Variants in NARS2 observed in about 807,000 individuals in gnomAD.
The protein encoded by NARS2 is asparaginyl-tRNA synthetase 2, mitochondrial, also known as asparaginyl-tRNA synthetase.
Under a neutral mutation model 62.9 loss-of-function variants are expected in NARS2, and 60 were observed. That is an observed-to-expected ratio of 0.95 (90% CI 0.77 to 1.18). NARS2 has a LOEUF of 1.18. Ranked by LOEUF, NARS2 falls within the 50% of genes most tolerant of loss-of-function variation. NARS2 has a pLI of 0.00. For missense variants in NARS2, 619 were observed against 576.4 expected, an observed-to-expected ratio of 1.07 and a Z score of -0.76; for synonymous variants, 196 against 200.0, an observed-to-expected ratio of 0.98 and a Z score of 0.17.
chr11:78,519,363 T>TAGA (rs1307334227), intron 6 of NARS2, among the ~76,000 whole-genome samples: 1 of 152,096 alleles, frequency 6.6e-6, no homozygotes, highest in Non-Finnish European at 1.5e-5. Context: ...AAACTGAAAA[T>TAGA]AACTAAGTTT....
intron 6 of NARS2, among the ~76,000 whole-genome samples, chr11:78,511,350 A>G (rs1860713846): frequency 6.6e-6 from 1 of 152,130 alleles, no homozygotes; most frequent in Admixed American, 6.5e-5. Context: ...AAGTGCTGGG[A>G]TTACAGGTAT....
chr11:78,543,518 AAAG>A (rs1157996477), intron 5 of NARS2, among the ~76,000 whole-genome samples: 1 of 152,206 alleles, frequency 6.6e-6, no homozygotes, highest in Non-Finnish European at 1.5e-5. Flanking sequence ...TGTTTTTTAA[AAAG>A]AAGAAACGCT....
chr11:78,468,732 T>C (rs1001034969), intron 10 of NARS2, among the ~76,000 whole-genome samples: 28 of 151,996 alleles, frequency 1.8e-4, no homozygotes, highest in Admixed American at 1.4e-3. Context: ...ATTCAGAATA[T>C]ATTTTGGAAA....
chr11:78,476,494 T>C (rs925115892), intron 9 of NARS2, among the ~76,000 whole-genome samples: 2 of 152,250 alleles, frequency 1.3e-5, no homozygotes, highest in African/African-American at 4.8e-5. Flanking sequence ...CCATTGCTCC[T>C]ACCCTTCTAA....
At chr11:78,532,130 T>C (rs1231893627) in intron 5 of NARS2, among the ~76,000 whole-genome samples, 1 of 152,206 alleles carries the variant, frequency 6.6e-6, no homozygotes, top group African/African-American at 2.4e-5. Context: ...AATCTTAAAT[T>C]TGTAATCTTA....
chr11:78,553,166 G>GT (rs1361564807), intron 5 of NARS2, among the ~76,000 whole-genome samples: 1 of 151,998 alleles, frequency 6.6e-6, no homozygotes, highest in Non-Finnish European at 1.5e-5. Flanking sequence ...GTGTGAGATG[G>GT]TATCTCATTG....
At chr11:78,572,466 T>C (rs1856964978) in intron 1 of NARS2, among the ~76,000 whole-genome samples, 1 of 152,182 alleles carries the variant, frequency 6.6e-6, no homozygotes, top group Admixed American at 6.5e-5. Context: ...AAAGTTCATG[T>C]TCTTATCAAC....
In NARS2 at chr11:78,468,310, G is replaced by GAAAAAAAAAAAAAAAAAAAAAAAAA. The variant is rs764254167; in HGVS notation, c.1026+936_1026+937insTTTTTTTTTTTTTTTTTTTTTTTTT. Among the ~76,000 whole-genome samples the GAAAAAAAAAAAAAAAAAAAAAAAAA allele has an allele frequency of 1.6e-4, 11 of 67,426 alleles. 1 individual carries two copies. Among genetic ancestry groups the GAAAAAAAAAAAAAAAAAAAAAAAAA allele is most frequent in the African/African-American group, 6.4e-4 (11 of 17,060 alleles). The allele number at this position is 67,426 out of a possible 152,430, so 44.2% of individuals were successfully genotyped here. The stretch of plus-strand genomic sequence containing the variant: ...ACCTGCTTCTGCAAGCACTAAATCT[G>GAAAAAAAAAAAAAAAAAAAAAAAAA]AAAAAAAAAAAAAAAAAAGAAAAAA... On this transcript the variant is annotated intron_variant, in intron 10 of 13. Transcript: ENST00000281038.
At chr11:78,461,602 TAAAAAAAAAAAA>T (rs59664343) in intron 11 of NARS2, among the ~76,000 whole-genome samples, 48 of 64,078 alleles carry the variant, frequency 7.5e-4, no homozygotes, top group Middle Eastern at 0.014. Context: ...GCTGTGCTGG[TAAAAAAAAAAAA>T]AAAAAAAAAA....
At chr11:78,574,246 C>T (rs948377227) in intron 1 of NARS2, 102 bp downstream of exon 1, 5 of 1,473,790 alleles carry the variant, frequency 3.4e-6, no homozygotes, top group Non-Finnish European at 4.7e-6. Flanking sequence ...CTTTTCCCTG[C>T]TGGCGGTTGT....
chr11:78,465,277 T>C (rs1188774643), intron 11 of NARS2, among the ~76,000 whole-genome samples: 1 of 152,236 alleles, frequency 6.6e-6, no homozygotes, highest in African/African-American at 2.4e-5. Context: ...TTCCCGCCCA[T>C]GCCTCTCCCT....
At chr11:78,544,018 C>A (rs1268370133) in intron 5 of NARS2, among the ~76,000 whole-genome samples, 95 of 73,858 alleles carry the variant, frequency 1.3e-3, no homozygotes, top group East Asian at 2.4e-3. Context: ...GACTCTGTCT[C>A]AAAAAAAAAA....
chr11:78,462,108 TAAGC>T (rs1174938718), intron 11 of NARS2, among the ~76,000 whole-genome samples: 1 of 152,212 alleles, frequency 6.6e-6, no homozygotes, highest in Non-Finnish European at 1.5e-5. Flanking sequence ...AGAAAATTCT[TAAGC>T]AAAGTACTTA....
At position 78,568,719 on chromosome 11, in the gene NARS2, T is replaced by A. The variant is rs201200773; in HGVS notation, c.285A>T (p.Gln95His). The change falls in exon 3 of 14, where the codon CAA becomes CAT. Residue 95 changes from glutamine to histidine, a missense_variant. Gln to His is a conservative substitution (Grantham distance 24, BLOSUM62 0). Coordinates refer to ENST00000281038, the MANE Select transcript of NARS2 (RefSeq NM_024678.6). The stretch of plus-strand genomic sequence containing the variant: ...TGGATGGACTTTTTATCAGCTGCCC[T>A]TGTACTTCCACAGAACTCCCAAAAT... ...ELNFGSSVEV[Q>H]GQLIKSPSKR... 6.2e-7 allele frequency: 1 copy of A among 1,611,202 alleles called. No individual in the cohort carries two copies. Among genetic ancestry groups the A allele is most frequent in the East Asian group, 2.2e-5 (1 of 44,824 alleles).
intron 9 of NARS2, among the ~76,000 whole-genome samples, chr11:78,469,819 CA>C (rs1233348470): frequency 6.6e-6 from 1 of 151,794 alleles, no homozygotes; most frequent in Admixed American, 6.6e-5. Flanking sequence ...GATAAATAAA[CA>C]AGTAGCTATT....
At chr11:78,563,255 G>A (rs1856613878) in intron 4 of NARS2, among the ~76,000 whole-genome samples, 1 of 113,688 alleles carries the variant, frequency 8.8e-6, no homozygotes, top group African/African-American at 3.5e-5. Context: ...GTCTTACTCT[G>A]TCGCCAGGTT....
chr11:78,541,100 T>C (rs1158970305), intron 5 of NARS2, among the ~76,000 whole-genome samples: 1 of 152,112 alleles, frequency 6.6e-6, no homozygotes, highest in Non-Finnish European at 1.5e-5. Context: ...CAGAGGTTGT[T>C]GTGAGCTGAA....
chr11:78,450,173 T>C (rs914010151), intron 11 of NARS2, among the ~76,000 whole-genome samples: 3 of 152,322 alleles, frequency 2.0e-5, no homozygotes, highest in Admixed American at 1.3e-4. Flanking sequence ...CATGTTGCTT[T>C]TTCCTCATCT....
At chr11:78,489,284 A>G (rs1859714629) in intron 7 of NARS2, among the ~76,000 whole-genome samples, 1 of 152,224 alleles carries the variant, frequency 6.6e-6, no homozygotes, top group Non-Finnish European at 1.5e-5. Context: ...GGCAATAAAA[A>G]TACATCTCAC....
Sources: allele counts gnomAD v4.1 joint callset (sites outside exome capture counted in the v4.1 genomes callset), GRCh38; gene constraint gnomAD v4.1.1; transcripts MANE v1.5; gene names NCBI Gene and HGNC (gene_info 2026-07-23, HGNC 2026-07-21).